Variants in SCOC observed in about 807,000 individuals in gnomAD.
The protein encoded by SCOC is short coiled coil protein.
In SCOC, 7 loss-of-function variants were observed where a neutral mutation model predicts 9.9. That is an observed-to-expected ratio of 0.71 (90% CI 0.40 to 1.33). The LOEUF (loss-of-function observed/expected upper bound fraction) is 1.33. Ranked by LOEUF, SCOC falls within the 40% of genes most tolerant of loss-of-function variation. The pLI, the probability that SCOC is intolerant of heterozygous loss-of-function variation, is 0.01. For synonymous variants in SCOC, 19 were observed against 28.2 expected, an observed-to-expected ratio of 0.67 and a Z score of 1.03; for missense variants, 66 against 89.7, an observed-to-expected ratio of 0.74 and a Z score of 1.07.
intron 1 of SCOC, among the ~76,000 whole-genome samples, chr4:140,307,714 G>A (rs569353984): frequency 5.9e-5 from 9 of 152,102 alleles, no homozygotes; most frequent in Non-Finnish European, 8.8e-5. Context: ...TATCAAGGCC[G>A]GATGGACACT....
intron 1 of SCOC, chr4:140,285,121 C>A: frequency 2.2e-6 from 1 of 452,654 alleles, no homozygotes. Context: ...TCGAGGCAAA[C>A]TCATCACGTC....
At chr4:140,345,420 A>AT (rs1578834050) in intron 2 of SCOC, among the ~76,000 whole-genome samples, 1 of 152,314 alleles carries the variant, frequency 6.6e-6, no homozygotes, top group East Asian at 1.9e-4. Context: ...AATTGTTCAT[A>AT]TATTTGTGAT....
intron 2 of SCOC, among the ~76,000 whole-genome samples, chr4:140,353,236 T>C (rs757822855): frequency 6.6e-5 from 10 of 152,114 alleles, no homozygotes; most frequent in African/African-American, 1.2e-4. Flanking sequence ...TCAGCTTCTA[T>C]TGGGCTCCAC....
At chr4:140,258,271 T>A (rs1172898789) in intron 1 of SCOC, among the ~76,000 whole-genome samples, 1 of 152,190 alleles carries the variant, frequency 6.6e-6, no homozygotes, top group African/African-American at 2.4e-5. Flanking sequence ...TCTCCCCAGA[T>A]TTTACCCATA....
chr4:140,369,962 T>C (rs1727980496), upstream of SCOC, among the ~76,000 whole-genome samples: 1 of 134,208 alleles, frequency 7.5e-6, no homozygotes, highest in African/African-American at 2.7e-5. Context: ...CACTACAACC[T>C]CCACCTCCTG....
At chr4:140,371,693 C>T (rs1728064244), upstream of SCOC, among the ~76,000 whole-genome samples, 1 of 152,080 alleles carries the variant, frequency 6.6e-6, no homozygotes, top group Non-Finnish European at 1.5e-5. Context: ...GTCAATACCA[C>T]TTTTTTAAAA....
chr4:140,310,706 C>T (rs557178229), intron 1 of SCOC, among the ~76,000 whole-genome samples: 59 of 152,310 alleles, frequency 3.9e-4, no homozygotes, highest in Non-Finnish European at 2.9e-5. Context: ...ATTTAGCTGC[C>T]TGGTGAAGTG....
At chr4:140,348,154 T>C (rs1726819752) in intron 2 of SCOC, among the ~76,000 whole-genome samples, 1 of 151,180 alleles carries the variant, frequency 6.6e-6, no homozygotes, top group Non-Finnish European at 1.5e-5. Context: ...TTATTTTTTT[T>C]AGTGGTGAGA....
chr4:140,271,658 C>A (rs1730848460), intron 1 of SCOC, among the ~76,000 whole-genome samples: 1 of 152,128 alleles, frequency 6.6e-6, no homozygotes, highest in Non-Finnish European at 1.5e-5. Flanking sequence ...AGCACACAGA[C>A]AATGGAAGAT....
At chr4:140,302,894 T>C (rs767395939) in intron 1 of SCOC, among the ~76,000 whole-genome samples, 10 of 151,524 alleles carry the variant, frequency 6.6e-5, no homozygotes, top group Middle Eastern at 3.4e-3. Context: ...TCAAGGGCGG[T>C]TTCTTTTATA....
chr4:140,269,088 A>G (rs1180803462), intron 1 of SCOC, among the ~76,000 whole-genome samples: 2 of 152,200 alleles, frequency 1.3e-5, no homozygotes, highest in East Asian at 1.9e-4. Flanking sequence ...ATAGCAGAGT[A>G]CAATTATAAA....
intron 2 of SCOC, among the ~76,000 whole-genome samples, chr4:140,362,299 C>CTTCTTCTTCT (rs367795160): frequency 0.019 from 742 of 38,396 alleles, 122 homozygotes; most frequent in African/African-American, 0.053. Flanking sequence ...TCTTCTTCTT[C>CTTCTTCTTCT]TTTTTTTTTT....
At chr4:140,351,090 TGA>T (rs1371442393) in intron 2 of SCOC, among the ~76,000 whole-genome samples, 2 of 151,236 alleles carry the variant, frequency 1.3e-5, no homozygotes, top group African/African-American at 4.9e-5. Flanking sequence ...CTCGGGAGGC[TGA>T]GGCAGGGGAA....
At chr4:140,331,532 A>C (rs1230532394) in intron 1 of SCOC, among the ~76,000 whole-genome samples, 3 of 152,118 alleles carry the variant, frequency 2.0e-5, no homozygotes, top group Admixed American at 6.5e-5. Flanking sequence ...ATTTGATCTG[A>C]CCACTTAACA....
intron 2 of SCOC, among the ~76,000 whole-genome samples, chr4:140,354,947 C>T (rs955216023): frequency 6.6e-6 from 1 of 151,852 alleles, no homozygotes; most frequent in African/African-American, 2.4e-5. Flanking sequence ...TTTGGAGTAA[C>T]CCCACACTTT....
chr4:140,366,552 C>A, intron 2 of SCOC: 1 of 1,588,274 alleles, frequency 6.3e-7, no homozygotes, highest in Non-Finnish European at 8.6e-7. Context: ...AATCTGTCAT[C>A]TTGGCTTTCC....
At chr4:140,301,944 A>G (rs1451385208) in intron 1 of SCOC, among the ~76,000 whole-genome samples, 1 of 151,988 alleles carries the variant, frequency 6.6e-6, no homozygotes, top group East Asian at 1.9e-4. Flanking sequence ...TGATTCTCCC[A>G]TCTTAGCCTC....
intron 1 of SCOC, among the ~76,000 whole-genome samples, chr4:140,336,391 C>T (rs572560877): frequency 6.6e-6 from 1 of 152,304 alleles, no homozygotes; most frequent in East Asian, 1.9e-4. Context: ...TTCTCCTCTT[C>T]TCTCATCCCC....
At chr4:140,304,222 G>C (rs1731896342) in intron 1 of SCOC, among the ~76,000 whole-genome samples, 1 of 152,142 alleles carries the variant, frequency 6.6e-6, no homozygotes, top group African/African-American at 2.4e-5. Flanking sequence ...ACAAGACACT[G>C]GTGACAGGCT....
Sources: gnomAD v4.1 joint callset for allele counts (sites outside exome capture counted in the v4.1 genomes callset) on GRCh38, gnomAD v4.1.1 for gene constraint, MANE v1.5 for transcripts, NCBI Gene and HGNC (gene_info 2026-07-23, HGNC 2026-07-21) for gene names.